Variants in PIGU observed in about 807,000 individuals in gnomAD.
PIGU encodes the protein phosphatidylinositol glycan anchor biosynthesis class U, also known as GPI-anchor transamidase component PIGU.
In PIGU, 24 loss-of-function variants were observed where a neutral mutation model predicts 49.9. That is an observed-to-expected ratio of 0.48 (90% confidence interval 0.35 to 0.68). The LOEUF (loss-of-function observed/expected upper bound fraction) is 0.68, where lower values mean the gene tolerates loss of function less well. Ranked by LOEUF, PIGU falls within the 30% of genes least tolerant of loss-of-function variation. The pLI is 0.01. For missense variants in PIGU, 490 were observed against 532.6 expected (o/e 0.92, Z 0.79); for synonymous variants, 220 against 205.7 (o/e 1.07, Z -0.59).
intron 11 of PIGU, among the ~76,000 whole-genome samples, chr20:34,566,454 C>T (rs1982772583): frequency 6.6e-6 from 1 of 152,176 alleles, no homozygotes; most frequent in African/African-American, 2.4e-5. Flanking sequence ...TGATGAAGAG[C>T]TCATGGGGCA....
chr20:34,639,122 C>T (rs1600650973), intron 4 of PIGU, among the ~76,000 whole-genome samples: 1 of 152,134 alleles, frequency 6.6e-6, no homozygotes, highest in East Asian at 1.9e-4. Flanking sequence ...GTGTTGGGGG[C>T]CAGGCATGGT....
intron 2 of PIGU, among the ~76,000 whole-genome samples, chr20:34,650,700 C>CTTTTTTTTTTT (rs59998699): frequency 0.011 from 417 of 38,792 alleles, 106 homozygotes; most frequent in East Asian, 0.013. Context: ...CTTTTTTTCT[C>CTTTTTTTTTTT]TTTTTTTTTT....
At chr20:34,607,368 T>A (rs867973864) in intron 7 of PIGU, among the ~76,000 whole-genome samples, 10 of 151,924 alleles carry the variant, frequency 6.6e-5, no homozygotes. Context: ...CCACTGGCAG[T>A]GGAGTGGCAG....
chr20:34,583,624 C>T lies in PIGU; in HGVS notation c.926+1813G>A, dbSNP rs185607211. Reference sequence around the variant, plus strand: ...AAAAGCTGCCGGAGAGCTGGCTGCACGGCCAGTGCGGAAAGGTGCCCTGGG... The same window carrying T: ...AAAAGCTGCCGGAGAGCTGGCTGCATGGCCAGTGCGGAAAGGTGCCCTGGG... On this transcript the variant is annotated intron_variant, in intron 9 of 11. Coordinates refer to ENST00000217446, the MANE Select transcript of PIGU (RefSeq NM_080476.5). Among the ~76,000 whole-genome samples the T allele has an allele frequency of 3.5e-3, 528 of 152,346 alleles. 2 individuals carry two copies. Among genetic ancestry groups the T allele is most frequent in the Middle Eastern group, 0.01 (3 of 294 alleles).
intron 7 of PIGU, among the ~76,000 whole-genome samples, chr20:34,599,141 A>G (rs1418088719): frequency 6.6e-6 from 1 of 152,182 alleles, no homozygotes; most frequent in Non-Finnish European, 1.5e-5. Flanking sequence ...TTTGTTAATC[A>G]GTAAGACACT....
intron 2 of PIGU, among the ~76,000 whole-genome samples, chr20:34,647,540 G>T (rs931472518): frequency 1.3e-5 from 2 of 151,848 alleles, no homozygotes; most frequent in African/African-American, 4.8e-5. Context: ...GATTACAAGC[G>T]TGAGCCACCA....
At chr20:34,627,504 T>A (rs1985537268) in intron 6 of PIGU, among the ~76,000 whole-genome samples, 1 of 152,088 alleles carries the variant, frequency 6.6e-6, no homozygotes, top group South Asian at 2.1e-4. Context: ...GAGATACATA[T>A]AACTTACTTA....
rs150002535 is a variant in PIGU, at chr20:34,632,736, G to A, written c.529+1879C>T. Among the ~76,000 whole-genome samples the A allele has an allele frequency of 8.2e-3, 1,251 of 152,176 alleles. 26 individuals are homozygous for A. The highest frequency in any genetic ancestry group is 0.029 in the African/African-American group (1,211 of 41,512). ...AACAGAAAAAAATCAATAAAAAAGA[G>A]AAGGAACTCCAGGAGAGGAGGGATA... is the stretch of plus-strand genomic sequence containing the variant. On this transcript the variant is annotated intron_variant, in intron 6 of 11. Transcript: ENST00000217446.
At chr20:34,636,522 C>A (rs193293217) in intron 5 of PIGU, among the ~76,000 whole-genome samples, 43 of 152,142 alleles carry the variant, frequency 2.8e-4, no homozygotes, top group Admixed American at 2.6e-3. Flanking sequence ...CCAGCCTGGG[C>A]AACAGAGCAA....
intron 6 of PIGU, among the ~76,000 whole-genome samples, chr20:34,626,611 C>T (rs1272373715): frequency 1.3e-5 from 2 of 152,080 alleles, no homozygotes; most frequent in African/African-American, 4.8e-5. Flanking sequence ...GCCAAAAAAA[C>T]TCCAAACATT....
At chr20:34,604,107 T>C (rs1395678246) in intron 7 of PIGU, among the ~76,000 whole-genome samples, 1 of 152,174 alleles carries the variant, frequency 6.6e-6, no homozygotes, top group African/African-American at 2.4e-5. Context: ...GAACCACATC[T>C]GTGGGGCCAG....
chr20:34,653,863 CT>C (rs879560866), intron 2 of PIGU, among the ~76,000 whole-genome samples: 145 of 145,162 alleles, frequency 1.0e-3, no homozygotes, highest in Middle Eastern at 3.6e-3. Context: ...AGACACCTTT[CT>C]TTTTTTTTTT....
At chr20:34,634,254 C>T (rs1985887567) in intron 6 of PIGU, among the ~76,000 whole-genome samples, 1 of 151,788 alleles carries the variant, frequency 6.6e-6, no homozygotes, top group African/African-American at 2.4e-5. Flanking sequence ...TTATGTTTTG[C>T]AGAGACAAGC....
At chr20:34,602,802 G>GGCATTCCCC (rs1984476068) in intron 7 of PIGU, among the ~76,000 whole-genome samples, 1 of 152,064 alleles carries the variant, frequency 6.6e-6, no homozygotes, top group Admixed American at 6.6e-5. Context: ...GAACTTTCCA[G>GGCATTCCCC]GCATTCCCCA....
intron 7 of PIGU, among the ~76,000 whole-genome samples, chr20:34,604,570 T>G (rs1188717562): frequency 6.6e-6 from 1 of 152,150 alleles, no homozygotes; most frequent in Non-Finnish European, 1.5e-5. Flanking sequence ...GAAACAAAGC[T>G]AACAGCACTG....
At chr20:34,605,722 A>AC in intron 7 of PIGU, among the ~76,000 whole-genome samples, 1 of 152,326 alleles carries the variant, frequency 6.6e-6, no homozygotes, top group South Asian at 2.1e-4. Flanking sequence ...CTTTTTTATT[A>AC]TAAATTTTTT....
At chr20:34,653,660 G>C (rs558045900) in intron 2 of PIGU, among the ~76,000 whole-genome samples, 1 of 152,306 alleles carries the variant, frequency 6.6e-6, no homozygotes, top group Non-Finnish European at 1.5e-5. Flanking sequence ...AGGAAGGACA[G>C]AAGGGAGGGA....
chr20:34,564,304 G>A (rs375407310), intron 11 of PIGU, among the ~76,000 whole-genome samples: 1 of 152,184 alleles, frequency 6.6e-6, no homozygotes, highest in Non-Finnish European at 1.5e-5. Flanking sequence ...GGGCTTACAG[G>A]AACTCTGTTC....
At chr20:34,603,599 G>A (rs1201682723) in intron 7 of PIGU, among the ~76,000 whole-genome samples, 1 of 151,902 alleles carries the variant, frequency 6.6e-6, no homozygotes, top group Admixed American at 6.6e-5. Flanking sequence ...TCCCTCTTTG[G>A]TCAGTGGGAG....
Sources: gnomAD v4.1 joint callset for allele counts (sites outside exome capture counted in the v4.1 genomes callset) on GRCh38, gnomAD v4.1.1 for gene constraint, MANE v1.5 for transcripts, NCBI Gene and HGNC (gene_info 2026-07-23, HGNC 2026-07-21) for gene names.